The following DAB1 variants were observed in gnomAD, a reference collection of about 807,000 sequenced individuals.
The protein encoded by DAB1 is DAB adaptor protein 1.
Under a neutral mutation model 64.6 loss-of-function variants are expected in DAB1, and 15 were observed. The ratio of observed to expected loss-of-function variants is 0.23; its 90% CI spans 0.16 to 0.36. DAB1 has a LOEUF of 0.36. Ranked by LOEUF, DAB1 falls within the 10% of genes least tolerant of loss-of-function variation. The pLI is 1.00. For missense variants in DAB1, 596 were observed against 706.7 expected (o/e 0.84, Z 1.78); for synonymous variants, 235 against 251.9 (o/e 0.93, Z 0.64).
intron 3 of DAB1, among the ~76,000 whole-genome samples, chr1:58,405,230 T>C (rs1416497245): frequency 6.6e-6 from 1 of 152,150 alleles, no homozygotes; most frequent in East Asian, 1.9e-4. Context: ...TGGTTCCTCA[T>C]CATGGGGGCT....
At chr1:58,052,141 T>C (rs1186309960) in intron 5 of DAB1, among the ~76,000 whole-genome samples, 5 of 152,214 alleles carry the variant, frequency 3.3e-5, no homozygotes, top group South Asian at 2.1e-4. Flanking sequence ...CTGAATGGTA[T>C]TGCCTAGGTT....
chr1:58,298,016 T>C (rs1662032800), intron 4 of DAB1, among the ~76,000 whole-genome samples: 1 of 152,182 alleles, frequency 6.6e-6, no homozygotes, highest in Non-Finnish European at 1.5e-5. Flanking sequence ...TCAAGTAAAG[T>C]ATTATGATTA....
chr1:58,185,986 T>C (rs1657056631), intron 4 of DAB1, among the ~76,000 whole-genome samples: 1 of 152,160 alleles, frequency 6.6e-6, no homozygotes, highest in South Asian at 2.1e-4. Flanking sequence ...TGCCTTCTGT[T>C]CTAACAGCAA....
rs192214922 is a variant in DAB1 at position 58,397,405 on chromosome 1, C to T, written n.258-54002G>A. Reference sequence around the variant, plus strand: ...CCCTGGGACCAGAACAGGCTTTGGACGCAGGAGACAGAAACGTCTGTGAAG... The same window carrying T: ...CCCTGGGACCAGAACAGGCTTTGGATGCAGGAGACAGAAACGTCTGTGAAG... On this transcript the variant is annotated intron_variant and non_coding_transcript_variant, in intron 3 of 20. Transcript: ENST00000485760. 2.7e-3 allele frequency among the ~76,000 whole-genome samples: 405 copies of T among 152,288 alleles called. 1 individual carries two copies. Among genetic ancestry groups the T allele is most frequent in the African/African-American group, 9.2e-3 (383 of 41,556 alleles).
At chr1:57,164,736 C>G (rs1261309076) in intron 2 of DAB1, among the ~76,000 whole-genome samples, 3 of 152,180 alleles carry the variant, frequency 2.0e-5, no homozygotes, top group African/African-American at 4.8e-5. Flanking sequence ...AGAGAAAGCA[C>G]TGCTGGGGCT....
intron 2 of DAB1, among the ~76,000 whole-genome samples, chr1:57,224,416 C>A (rs1569956303): frequency 6.6e-6 from 1 of 152,204 alleles, no homozygotes; most frequent in Non-Finnish European, 1.5e-5. Flanking sequence ...AGAATAGGAT[C>A]AGCCTATCTC....
chr1:58,530,055 G>T (rs1335829878), intron 1 of DAB1, among the ~76,000 whole-genome samples: 1 of 152,004 alleles, frequency 6.6e-6, no homozygotes, highest in African/African-American at 2.4e-5. Context: ...TAATTTTTTT[G>T]TATTTTTAGT....
intron 9 of DAB1, among the ~76,000 whole-genome samples, chr1:57,036,556 A>T (rs965657625): frequency 9.9e-5 from 15 of 152,234 alleles, no homozygotes; most frequent in African/African-American, 3.6e-4. Context: ...AGTCTCTCCA[A>T]ATTGCTAAAT....
intron 3 of DAB1, among the ~76,000 whole-genome samples, chr1:57,138,986 A>T (rs1213049695): frequency 6.6e-6 from 1 of 152,168 alleles, no homozygotes; most frequent in Non-Finnish European, 1.5e-5. Context: ...AAGGAAAGTG[A>T]CTTTCCCTCA....
At chr1:57,352,952 C>T (rs1048519342) in intron 1 of DAB1, among the ~76,000 whole-genome samples, 4 of 152,048 alleles carry the variant, frequency 2.6e-5, no homozygotes, top group African/African-American at 4.8e-5. Context: ...CAAGAGACCG[C>T]CTTTAGAATT....
intron 3 of DAB1, among the ~76,000 whole-genome samples, chr1:58,440,115 G>A (rs1227912445): frequency 5.3e-5 from 8 of 152,230 alleles, no homozygotes. Flanking sequence ...GTCTGCAGTA[G>A]GAGTGGGAGG....
chr1:57,839,566 G>A (rs999723082), intron 1 of DAB1, among the ~76,000 whole-genome samples: 6 of 152,052 alleles, frequency 3.9e-5, no homozygotes, highest in Non-Finnish European at 7.4e-5. Context: ...AAAATACTTC[G>A]TTTAATCCTT....
At chr1:58,100,180 A>G (rs1651229727) in intron 5 of DAB1, among the ~76,000 whole-genome samples, 1 of 152,232 alleles carries the variant, frequency 6.6e-6, no homozygotes, top group African/African-American at 2.4e-5. Flanking sequence ...TTTCACCACT[A>G]TTCATATCCA....
intron 5 of DAB1, among the ~76,000 whole-genome samples, chr1:57,988,685 G>A (rs571060369): frequency 6.6e-6 from 1 of 152,284 alleles, no homozygotes; most frequent in South Asian, 2.1e-4. Context: ...AAGGTTCCCT[G>A]GTAGAAAATT....
chr1:57,533,442 A>C, intron 7 of DAB1, among the ~76,000 whole-genome samples: 1 of 151,844 alleles, frequency 6.6e-6, no homozygotes, highest in East Asian at 1.9e-4. Context: ...GATGACTTAA[A>C]ACATTTACAG....
chr1:57,343,806 A>G (rs1201568379), intron 1 of DAB1, among the ~76,000 whole-genome samples: 2 of 152,118 alleles, frequency 1.3e-5, no homozygotes, highest in Non-Finnish European at 2.9e-5. Context: ...ACCTCCCCAA[A>G]AGCTGAGGGA....
At chr1:58,379,273 T>A (rs1644366285) in intron 3 of DAB1, among the ~76,000 whole-genome samples, 1 of 152,228 alleles carries the variant, frequency 6.6e-6, no homozygotes, top group Admixed American at 6.5e-5. Flanking sequence ...TATATACACA[T>A]GGAATGTAAT....
At chr1:57,342,238 T>C (rs1677649082) in intron 1 of DAB1, among the ~76,000 whole-genome samples, 1 of 152,184 alleles carries the variant, frequency 6.6e-6, no homozygotes, top group African/African-American at 2.4e-5. Context: ...TATGTATCCT[T>C]TGAGTCTTTT....
At chr1:57,930,043 G>C (rs1261523088) in intron 5 of DAB1, among the ~76,000 whole-genome samples, 1 of 152,172 alleles carries the variant, frequency 6.6e-6, no homozygotes, top group Admixed American at 6.6e-5. Context: ...ATTTAGGTCT[G>C]TATCCATTTT....
Sources: allele counts gnomAD v4.1 joint callset (sites outside exome capture counted in the v4.1 genomes callset), GRCh38; gene constraint gnomAD v4.1.1; transcripts MANE v1.5; gene names NCBI Gene and HGNC (gene_info 2026-07-23, HGNC 2026-07-21).